AKAP7: variants seen among roughly 807,000 people sequenced by gnomAD.
AKAP7 encodes A-kinase anchoring protein 7.
A neutral mutation model predicts 39.5 loss-of-function variants in AKAP7; 39 were observed. The observed-to-expected ratio is 0.99, with a 90% CI of 0.76 to 1.29. The LOEUF is 1.29. Ranked by LOEUF, AKAP7 falls within the 50% of genes most tolerant of loss-of-function variation. AKAP7 has a pLI of 0.00. For missense variants in AKAP7, 414 were observed against 407.7 expected, an observed-to-expected ratio of 1.02 and a Z score of -0.13; for synonymous variants, 140 against 139.1, an observed-to-expected ratio of 1.01 and a Z score of -0.05.
chr6:131,152,669 A>T (rs141095543), intron 2 of AKAP7, among the ~76,000 whole-genome samples: 137 of 151,924 alleles, frequency 9.0e-4, no homozygotes, highest in African/African-American at 3.1e-3. Context: ...TCTACTAAAA[A>T]TACAAAGATT....
At chr6:131,274,531 TCTCA>T (rs1045583971) in intron 7 of AKAP7, among the ~76,000 whole-genome samples, 48 of 152,118 alleles carry the variant, frequency 3.2e-4, no homozygotes, top group African/African-American at 1.2e-3. Flanking sequence ...AGAGATGTGG[TCTCA>T]CTATGTTGCT....
chr6:131,167,832 A>C (rs964130769), intron 4 of AKAP7, among the ~76,000 whole-genome samples: 1 of 152,206 alleles, frequency 6.6e-6, no homozygotes, highest in African/African-American at 2.4e-5. Flanking sequence ...ACTAATTTAG[A>C]AATACGAAAG....
At chr6:131,222,156 A>G (rs1250564590) in intron 7 of AKAP7, among the ~76,000 whole-genome samples, 3 of 152,212 alleles carry the variant, frequency 2.0e-5, no homozygotes, top group African/African-American at 7.2e-5. Flanking sequence ...GAAGAAGTTG[A>G]TTCCAGCCCT....
intron 4 of AKAP7, among the ~76,000 whole-genome samples, chr6:131,168,170 G>A (rs1803682197): frequency 6.6e-6 from 1 of 152,130 alleles, no homozygotes; most frequent in Non-Finnish European, 1.5e-5. Flanking sequence ...CCAGCAATTT[G>A]GGAGGCCAAG....
intron 5 of AKAP7, among the ~76,000 whole-genome samples, chr6:131,196,044 C>A (rs896735873): frequency 6.6e-6 from 1 of 152,058 alleles, no homozygotes; most frequent in African/African-American, 2.4e-5. Flanking sequence ...CTACCCCTAC[C>A]GCTTTCTCTC....
At chr6:131,273,550 T>C (rs1272884376) in intron 7 of AKAP7, among the ~76,000 whole-genome samples, 2 of 152,222 alleles carry the variant, frequency 1.3e-5, no homozygotes, top group Non-Finnish European at 2.9e-5. Context: ...TCAAATAATA[T>C]TATGCCACTT....
chr6:131,242,649 G>A (rs892911039), intron 7 of AKAP7, among the ~76,000 whole-genome samples: 2 of 151,950 alleles, frequency 1.3e-5, no homozygotes, highest in East Asian at 1.9e-4. Context: ...CATTTTCTTC[G>A]TTTTCACTGT....
upstream of AKAP7, among the ~76,000 whole-genome samples, chr6:131,131,779 AAGG>A (rs1345805792): frequency 6.6e-6 from 1 of 152,086 alleles, no homozygotes; most frequent in Non-Finnish European, 1.5e-5. Context: ...CTGTTCCCCA[AAGG>A]AGGTCACTGA....
intron 5 of AKAP7, among the ~76,000 whole-genome samples, chr6:131,198,313 A>AT (rs1247621548): frequency 6.6e-6 from 1 of 152,138 alleles, no homozygotes; most frequent in Non-Finnish European, 1.5e-5. Context: ...TAATTGATTT[A>AT]TCTTTTCAAA....
chr6:131,238,598 G>T lies in AKAP7; in HGVS notation c.850+18790G>T, dbSNP rs143449643. 3.3e-3 allele frequency among the ~76,000 whole-genome samples: 508 copies of T among 152,178 alleles called. 3 individuals carry two copies. The highest frequency in any genetic ancestry group is 0.011 in the African/African-American group (471 of 41,508). On this transcript the variant is annotated intron_variant, in intron 7 of 7. Transcript: ENST00000431975. ...TATGAATCTGGGTGCTCCCATATTG[G>T]GTACATATATATTTAGGATAGTTAG...
intron 5 of AKAP7, among the ~76,000 whole-genome samples, chr6:131,193,244 G>A (rs1362050997): frequency 6.6e-6 from 1 of 152,032 alleles, no homozygotes; most frequent in African/African-American, 2.4e-5. Context: ...TTATGTTGAA[G>A]TATGTTCCTT....
intron 7 of AKAP7, among the ~76,000 whole-genome samples, chr6:131,227,192 G>A (rs1810240806): frequency 6.6e-6 from 1 of 152,170 alleles, no homozygotes; most frequent in Non-Finnish European, 1.5e-5. Context: ...AGACTTTCTG[G>A]AGCAATTGTC....
At chr6:131,158,290 T>C (rs1280203200) in intron 2 of AKAP7, among the ~76,000 whole-genome samples, 2 of 152,206 alleles carry the variant, frequency 1.3e-5, no homozygotes, top group African/African-American at 4.8e-5. Flanking sequence ...CACACAGGCA[T>C]TGGGCTGTGG....
chr6:131,271,379 C>A lies in AKAP7; in HGVS notation c.851-10151C>A, dbSNP rs151219182. ...GGCCATACGTGTGTGAGTCTAGTTG[C>A]GGATTTTTTTTGTTTTGTTTTATTA... On this transcript the variant is annotated intron_variant, in intron 7 of 7. Coordinates refer to ENST00000431975, the MANE Select transcript of AKAP7 (RefSeq NM_016377.4). 8.7e-4 allele frequency among the ~76,000 whole-genome samples: 132 copies of A among 152,068 alleles called. 4 individuals are homozygous for A. The East Asian group carries it at 0.025, about 29-fold the overall frequency.
chr6:131,169,093 A>G lies in AKAP7; in HGVS notation c.429-20A>G. The G allele has an allele frequency of 1.3e-6, 2 of 1,577,766 alleles. No individual in the cohort carries two copies. The highest frequency in any genetic ancestry group is 2.7e-5 in the African/African-American group (2 of 73,848). ...TTTATTACTTAATGTGTTACTGAAA[A>G]ATGTATTATTTCTTACTAGTGGTAT... On this transcript the variant is annotated intron_variant, in intron 4 of 7. Transcript: ENST00000431975.
In AKAP7 at chr6:131,179,170, T is replaced by G. The variant is rs985830872; in HGVS notation, c.589+9897T>G. ...GTGATTACCTTATTGTCTATTCGGT[T>G]TTTTTTTTGTTTGTTTGTTTTGAGA... On this transcript the variant is annotated intron_variant, in intron 5 of 7. Transcript: ENST00000431975. Among the ~76,000 whole-genome samples the G allele has an allele frequency of 4.0e-4, 18 of 45,262 alleles. 1 individual carries two copies. The highest frequency in any genetic ancestry group is 3.9e-3 in the South Asian group (4 of 1,034). 29.7% of individuals were successfully genotyped at this position (45,262 alleles called of 152,430 possible).
Position 131,177,005 on chromosome 6 carries a change from C to T in AKAP7, c.589+7732C>T, listed in dbSNP as rs1352973407. On this transcript the variant is annotated intron_variant, in intron 5 of 7. Transcript: ENST00000431975. Reference sequence around the variant, plus strand: ...ATTAGAGCCTTAGTTTTATACCCTGCCTCTGTTTGCATATGCCTCCAAGCA... The same window carrying T: ...ATTAGAGCCTTAGTTTTATACCCTGTCTCTGTTTGCATATGCCTCCAAGCA... Among the ~76,000 whole-genome samples, 7 of 152,188 alleles carry T rather than the reference C, an allele frequency of 4.6e-5. No individual in the cohort carries two copies. The East Asian group carries it at 1.2e-3, about 25-fold the overall frequency.
chr6:131,251,148 G>T (rs980271968), intron 7 of AKAP7, among the ~76,000 whole-genome samples: 4 of 152,142 alleles, frequency 2.6e-5, no homozygotes, highest in Non-Finnish European at 5.9e-5. Context: ...AAGTGATGCC[G>T]CTTTGCTTCT....
intron 5 of AKAP7, among the ~76,000 whole-genome samples, chr6:131,193,376 T>C (rs1446824576): frequency 6.6e-6 from 1 of 152,178 alleles, no homozygotes; most frequent in African/African-American, 2.4e-5. Context: ...ATGTATCACA[T>C]TGATTTATTT....
Sources: gnomAD v4.1 joint callset for allele counts (sites outside exome capture counted in the v4.1 genomes callset) on GRCh38, gnomAD v4.1.1 for gene constraint, MANE v1.5 for transcripts, NCBI Gene and HGNC (gene_info 2026-07-23, HGNC 2026-07-21) for gene names.